The following CPD variants were observed in gnomAD, a reference collection of about 807,000 sequenced individuals.
The protein encoded by CPD is metallocarboxypeptidase D.
Under a neutral mutation model 138.3 loss-of-function variants are expected in CPD, and 69 were observed. The observed-to-expected ratio is 0.50, with a 90% CI of 0.41 to 0.61. The LOEUF is 0.61. CPD is among the 20% of genes least tolerant of loss of function. The pLI is 0.00. For missense variants in CPD, 1,432 were observed against 1,733.3 expected (o/e 0.83, Z 3.09); for synonymous variants, 651 against 642.1 (o/e 1.01, Z -0.21).
chr17:30,457,856 CAG>C (rs1215723080), intron 17 of CPD, among the ~76,000 whole-genome samples: 1 of 152,076 alleles, frequency 6.6e-6, no homozygotes, highest in Non-Finnish European at 1.5e-5. Flanking sequence ...TTTGTAGAGA[CAG>C]GGTCTCCCTT....
chr17:30,423,097 C>G, intron 5 of CPD, 74 bp downstream of exon 5: 1 of 1,165,370 alleles, frequency 8.6e-7, no homozygotes, highest in Non-Finnish European at 1.2e-6. Context: ...ATGTTTCATT[C>G]AGAAAGGTCG....
In CPD at chr17:30,406,105, T is replaced by A. The variant is rs887469892; in HGVS notation, c.995-14736T>A. Among the ~76,000 whole-genome samples, 6 of 152,208 alleles carry A rather than the reference T, an allele frequency of 3.9e-5. No homozygotes were observed. In the South Asian group the frequency reaches 1.2e-3, roughly 32 times the overall value. On this transcript the variant is annotated intron_variant, in intron 2 of 20. Coordinates refer to ENST00000225719, the MANE Select transcript of CPD (RefSeq NM_001304.5). ...AAAATATTGATTTTTATATTGTTTT[T>A]AAGTAGTCATCTTTTTATTTCCAGT...
chr17:30,458,862 T>C (rs1241313208), intron 17 of CPD, among the ~76,000 whole-genome samples: 3 of 66,624 alleles, frequency 4.5e-5, no homozygotes, highest in African/African-American at 7.6e-5. Flanking sequence ...TGAGACCCTG[T>C]CTCAAAAAAA....
chr17:30,455,654 G>A (rs1226741013), intron 15 of CPD, 184 bp downstream of exon 15: 1 of 556,868 alleles, frequency 1.8e-6, no homozygotes, highest in East Asian at 3.2e-5. Flanking sequence ...CAGATCTAAT[G>A]GTAGCCCAGC....
intron 2 of CPD, among the ~76,000 whole-genome samples, chr17:30,400,281 T>G (rs1685170354): frequency 6.6e-6 from 1 of 152,214 alleles, no homozygotes; most frequent in African/African-American, 2.4e-5. Context: ...ACTTAACTTT[T>G]CACAGTTCTA....
At chr17:30,387,690 C>G (rs1911229884) in intron 2 of CPD, among the ~76,000 whole-genome samples, 1 of 152,166 alleles carries the variant, frequency 6.6e-6, no homozygotes, top group Admixed American at 6.5e-5. Context: ...TGTCTTATGA[C>G]ATGTCTCTTA....
intron 3 of CPD, among the ~76,000 whole-genome samples, chr17:30,421,397 A>G (rs1044626461): frequency 2.6e-5 from 4 of 152,186 alleles, no homozygotes; most frequent in African/African-American, 9.6e-5. Flanking sequence ...CAGCAGTTAC[A>G]CCTTGTTGAG....
At chr17:30,450,494 A>G (rs559969478) in intron 13 of CPD, among the ~76,000 whole-genome samples, 1 of 152,308 alleles carries the variant, frequency 6.6e-6, no homozygotes, top group Middle Eastern at 3.4e-3. Flanking sequence ...AAATTATTGG[A>G]CATCTTGGCT....
In CPD at chr17:30,446,163, A is replaced by G. The variant is rs555000773; in HGVS notation, c.2873+143A>G. The G allele has an allele frequency of 5.6e-5, 36 of 641,606 alleles. No individual in the cohort carries two copies. The East Asian group carries it at 8.1e-4, about 14-fold the overall frequency. 39.7% of individuals were successfully genotyped at this position (641,606 alleles called of 1,614,324 possible). The stretch of plus-strand genomic sequence containing the variant: ...GGAGTTTACTTATTTTGCAACATGT[A>G]TTTGCTTGGAGATCTTTTTTTTTTA... On this transcript the variant is annotated intron_variant, in intron 12 of 20. Coordinates refer to ENST00000225719, the MANE Select transcript of CPD (RefSeq NM_001304.5).
chr17:30,379,506 G>A lies in CPD; in HGVS notation c.526G>A (p.Val176Met), dbSNP rs1910984090. 6.4e-7 allele frequency: 1 copy of A among 1,571,862 alleles called. No homozygotes were observed. Among genetic ancestry groups the A allele is most frequent in the South Asian group, 1.1e-5 (1 of 87,772 alleles). ...GGTCCGCCTGCTCAACACCACCGAC[G>A]TGTACCTGCTGCCCAGCCTCAACCC... ...RLVRLLNTTD[V>M]YLLPSLNPDG... Residue 176 changes from valine (V) to methionine (M), a missense_variant, in exon 1 of 21, where the codon GTG (valine) becomes ATG (methionine). Physicochemically the swap from Val to Met is conservative, Grantham distance 21. This residue lies in a region of CPD where 484 missense variants were observed against 477.2 expected (regional missense o/e 1.01). Transcript: ENST00000225719. This position sits in a 1 kb window ranked among gnomAD's most constrained non-coding sequence, Gnocchi z 7.0.
intron 12 of CPD, among the ~76,000 whole-genome samples, chr17:30,449,109 T>C (rs1913101200): frequency 6.6e-6 from 1 of 151,666 alleles, no homozygotes; most frequent in South Asian, 2.1e-4. Flanking sequence ...CCCTGTCTCT[T>C]AAAAATATAA....
At chr17:30,388,187 T>G (rs942388217) in intron 2 of CPD, among the ~76,000 whole-genome samples, 2 of 152,104 alleles carry the variant, frequency 1.3e-5, no homozygotes, top group African/African-American at 2.4e-5. Flanking sequence ...AGGAAGTGTA[T>G]GCCGATTGGT....
chr17:30,438,322 T>C (rs541000017), intron 8 of CPD, among the ~76,000 whole-genome samples: 7 of 152,186 alleles, frequency 4.6e-5, no homozygotes, highest in Non-Finnish European at 8.8e-5. Context: ...ATGTAATCTT[T>C]CTCTCCTCTT....
chr17:30,411,545 C>T (rs1911968717), intron 2 of CPD, among the ~76,000 whole-genome samples: 2 of 152,072 alleles, frequency 1.3e-5, no homozygotes, highest in African/African-American at 4.8e-5. Flanking sequence ...TTCTTGGAGG[C>T]TTTTTTCGTT....
At chr17:30,412,274 G>A (rs1911987294) in intron 2 of CPD, among the ~76,000 whole-genome samples, 1 of 152,200 alleles carries the variant, frequency 6.6e-6, no homozygotes, top group African/African-American at 2.4e-5. Flanking sequence ...GCACCTGCCT[G>A]TATGAGGTGT....
chr17:30,380,101 G>A (rs1911001310), intron 1 of CPD: 2 of 197,096 alleles, frequency 1.0e-5, no homozygotes, highest in South Asian at 1.8e-4. Flanking sequence ...AGTGCCTAAT[G>A]TTATAGGCGC....
chr17:30,419,149 T>C (rs1912195804), intron 2 of CPD, among the ~76,000 whole-genome samples: 1 of 152,248 alleles, frequency 6.6e-6, no homozygotes, highest in South Asian at 2.1e-4. Flanking sequence ...CGATTTTATT[T>C]CTGTCAAAGT....
At chr17:30,389,237 A>G (rs2031946918) in intron 2 of CPD, among the ~76,000 whole-genome samples, 1 of 152,192 alleles carries the variant, frequency 6.6e-6, no homozygotes, top group Admixed American at 6.5e-5. Context: ...TGCTGCTGCT[A>G]TCACTTTCTA....
At chr17:30,431,073 A>G (rs1912550762) in intron 7 of CPD, among the ~76,000 whole-genome samples, 1 of 152,182 alleles carries the variant, frequency 6.6e-6, no homozygotes, top group South Asian at 2.1e-4. Context: ...ACTATTTTAC[A>G]TTCCCGCCAG....
Sources: allele counts gnomAD v4.1 joint callset (sites outside exome capture counted in the v4.1 genomes callset), GRCh38; gene constraint gnomAD v4.1.1; regional missense constraint gnomAD v4.1.1; non-coding constraint Gnocchi (gnomAD v3.1); transcripts MANE v1.5; gene names NCBI Gene and HGNC (gene_info 2026-07-23, HGNC 2026-07-21).